The following TRPM2 variants were observed in gnomAD, a reference collection of about 807,000 sequenced individuals.
TRPM2 encodes transient receptor potential cation channel subfamily M member 2, also known as estrogen-responsive element-associated gene 1 protein.
Under a neutral mutation model 174.0 loss-of-function variants are expected in TRPM2, and 161 were observed. The ratio of observed to expected loss-of-function variants is 0.93; its 90% CI spans 0.81 to 1.05. The LOEUF (loss-of-function observed/expected upper bound fraction) is 1.05. Among genes scored for constraint, TRPM2 ranks in the 50% least tolerant of loss-of-function variants. The pLI, the probability that TRPM2 is intolerant of heterozygous loss-of-function variation, is 0.00. For synonymous variants in TRPM2, 954 were observed against 861.3 expected, an observed-to-expected ratio of 1.11 and a Z score of -1.88; for missense variants, 2,057 against 2,038.0, an observed-to-expected ratio of 1.01 and a Z score of -0.18.
chr21:44,350,643 G>A (rs1211535159), upstream of TRPM2, among the ~76,000 whole-genome samples: 4 of 139,632 alleles, frequency 2.9e-5, no homozygotes, highest in Non-Finnish European at 6.3e-5. Context: ...GGGCGCGAAG[G>A]GGCTCCGGGC....
chr21:44,433,228 G>C (rs1166238198), intron 27 of TRPM2, among the ~76,000 whole-genome samples: 1 of 152,256 alleles, frequency 6.6e-6, no homozygotes, highest in Non-Finnish European at 1.5e-5. Context: ...TAGGGATGGG[G>C]ACAGTGAGAT....
Position 44,426,861 on chromosome 21 carries a change from G to A in TRPM2, c.3872+125G>A, listed in dbSNP as rs923591975. On this transcript the variant is annotated intron_variant, in intron 26 of 31. Transcript: ENST00000397928. ...CCAGGTGAGCAGGAGGGGCCCGTGG[G>A]GGCCTGAAGGGGCCCAGCTCCTACT... 5.2e-6 allele frequency: 7 copies of A among 1,339,206 alleles called. No homozygotes were observed. The African/African-American group carries it at 7.3e-5, about 14-fold the overall frequency. The allele number at this position is 1,339,206 out of a possible 1,614,324, so 83.0% of individuals were successfully genotyped here.
intron 2 of TRPM2, among the ~76,000 whole-genome samples, 182 bp from the exon 3 acceptor site, chr21:44,363,932 G>A (rs2146142023): frequency 6.6e-6 from 1 of 152,302 alleles, no homozygotes; most frequent in African/African-American, 2.4e-5. Flanking sequence ...TACTGCTGAG[G>A]GTGAGAAGAG....
intron 19 of TRPM2, among the ~76,000 whole-genome samples, chr21:44,409,480 G>A (rs897105521): frequency 6.6e-6 from 1 of 152,092 alleles, no homozygotes; most frequent in Non-Finnish European, 1.5e-5. Context: ...GGTGAGCATA[G>A]CCTTGTAGTA....
rs1297833492 is a variant in TRPM2, at chr21:44,364,203, C to CA, written c.347dup (p.Lys117GlufsTer152). 6.2e-7 allele frequency: 1 copy of CA among 1,614,076 alleles called. No homozygotes were observed. Among genetic ancestry groups the CA allele is most frequent in the African/African-American group, 1.3e-5 (1 of 74,932 alleles). ...ACCTTCCAGGGCACACAGTGGGACCCAAAGAAACATGTCCAGGAGATGCCA... is the reference window on the plus strand; with the variant it reads ...ACCTTCCAGGGCACACAGTGGGACCCAAAAGAAACATGTCCAGGAGATGCCA... On this transcript the variant is annotated frameshift_variant, in exon 3 of 32. Transcript: ENST00000397928. LOFTEE classifies it high-confidence loss of function.
At chr21:44,368,582 C>T (rs2048425595) in intron 4 of TRPM2, among the ~76,000 whole-genome samples, 1 of 152,046 alleles carries the variant, frequency 6.6e-6, no homozygotes, top group Non-Finnish European at 1.5e-5. Context: ...CAGGCGTGTG[C>T]TACCATGCCT....
intron 27 of TRPM2, among the ~76,000 whole-genome samples, chr21:44,428,262 G>T (rs1442327090): frequency 6.6e-6 from 1 of 152,150 alleles, no homozygotes; most frequent in East Asian, 1.9e-4. Flanking sequence ...TAATACAGCT[G>T]AAGGCTGATT....
rs371099149 is a variant in TRPM2, at chr21:44,399,832, C to T, written c.2208+391C>T. On this transcript the variant is annotated intron_variant, in intron 14 of 31. Transcript: ENST00000397928. This position sits in a 1 kb window ranked among gnomAD's most constrained non-coding sequence, Gnocchi z 4.6. The stretch of plus-strand genomic sequence containing the variant: ...TCCCAGGCATGGCTGCCCTCAGCAT[C>T]GCCCTGGAACCCCCGGCAGGGCCTG... Among the ~76,000 whole-genome samples, 11 of 152,188 alleles carry T rather than the reference C, an allele frequency of 7.2e-5. No homozygotes were observed. The highest frequency in any genetic ancestry group is 2.2e-4 in the African/African-American group (9 of 41,454).
chr21:44,424,804 T>G (rs1238207156), intron 23 of TRPM2, 48 bp from the exon 24 acceptor site: 2 of 1,308,916 alleles, frequency 1.5e-6, no homozygotes, highest in Non-Finnish European at 2.1e-6. Flanking sequence ...GTGTGTACCA[T>G]GCGTGTGGGT....
chr21:44,433,158 G>T (rs1248561387), intron 27 of TRPM2, among the ~76,000 whole-genome samples: 1 of 152,196 alleles, frequency 6.6e-6, no homozygotes, highest in Admixed American at 6.5e-5. Flanking sequence ...AGAAGCGAGC[G>T]TGCATGTGGT....
rs2048369493 is a variant in TRPM2, at chr21:44,366,623, T to C, written c.424-131T>C. 1.6e-6 allele frequency: 2 copies of C among 1,243,282 alleles called. No individual in the cohort carries two copies. The highest frequency in any genetic ancestry group is 2.7e-5 in the South Asian group (2 of 72,876). 77.0% of individuals were successfully genotyped at this position (1,243,282 alleles called of 1,614,324 possible). A position where few individuals can be genotyped will look rare whatever the true frequency, so the allele number is the denominator to read the frequency against. On this transcript the variant is annotated intron_variant, in intron 3 of 31. Transcript: ENST00000397928. This position sits in a 1 kb window ranked among gnomAD's most constrained non-coding sequence, Gnocchi z 6.0. ...TGCCCTGCCCACATGGGGACCCCTT[T>C]TCTGGGTCTGAGCCGGAAAGGTGTG...
intron 19 of TRPM2, among the ~76,000 whole-genome samples, chr21:44,411,208 G>A (rs977136300): frequency 6.6e-6 from 1 of 152,132 alleles, no homozygotes; most frequent in South Asian, 2.1e-4. Flanking sequence ...TCCAAAAAGG[G>A]CATCTGTGAT....
At chr21:44,437,998 G>T (rs1359919425) in intron 29 of TRPM2, among the ~76,000 whole-genome samples, 4 of 152,260 alleles carry the variant, frequency 2.6e-5, no homozygotes, top group African/African-American at 9.6e-5. Context: ...GCATTTCTCT[G>T]ACCCCGAGCT....
intron 8 of TRPM2, 96 bp downstream of exon 8, chr21:44,379,293 G>A (rs2146204339): frequency 7.0e-7 from 1 of 1,427,168 alleles, no homozygotes; most frequent in Middle Eastern, 1.8e-4. Context: ...GACCGATGCG[G>A]AGAACCCACT....
chr21:44,426,322 G>T (rs182018557), intron 25 of TRPM2, among the ~76,000 whole-genome samples: 40 of 152,286 alleles, frequency 2.6e-4, no homozygotes, highest in African/African-American at 7.7e-4. Context: ...TGCTGCTTCC[G>T]CTGCCTCCCC....
At chr21:44,375,092 G>A (rs1251010820) in intron 5 of TRPM2, among the ~76,000 whole-genome samples, 2 of 152,002 alleles carry the variant, frequency 1.3e-5, no homozygotes, top group African/African-American at 4.8e-5. Context: ...TTTCATTTTT[G>A]TAGACATGAG....
At chr21:44,436,279 C>A (rs1372691607) in intron 28 of TRPM2, among the ~76,000 whole-genome samples, 17 of 152,148 alleles carry the variant, frequency 1.1e-4, no homozygotes, top group African/African-American at 4.1e-4. Flanking sequence ...CCAGGCCCAG[C>A]TGCTGTGCCC....
At chr21:44,402,249 C>G (rs746899707) in intron 16 of TRPM2, among the ~76,000 whole-genome samples, 1 of 152,140 alleles carries the variant, frequency 6.6e-6, no homozygotes, top group Non-Finnish European at 1.5e-5. Context: ...ACCCCTCTCA[C>G]GTTCAATAAC....
Position 44,367,724 on chromosome 21 carries a change from T to C in TRPM2, c.604+790T>C, listed in dbSNP as rs1384033949. On this transcript the variant is annotated intron_variant, in intron 4 of 31. Transcript: ENST00000397928. This position sits in a 1 kb window ranked among gnomAD's most constrained non-coding sequence, Gnocchi z 4.6. ...CCTGCTCTTCCTGGGGTCTGGGGTCTGGTCTTTGCCTCGCAGTGGAGTCGT... is the reference window on the plus strand; with the variant it reads ...CCTGCTCTTCCTGGGGTCTGGGGTCCGGTCTTTGCCTCGCAGTGGAGTCGT... Among the ~76,000 whole-genome samples, 1 of 152,250 alleles carries C rather than the reference T, an allele frequency of 6.6e-6. No individual in the cohort carries two copies. The highest frequency in any genetic ancestry group is 2.4e-5 in the African/African-American group (1 of 41,476).
Sources: gnomAD v4.1 joint callset for allele counts (sites outside exome capture counted in the v4.1 genomes callset) on GRCh38, gnomAD v4.1.1 for gene constraint, Gnocchi (gnomAD v3.1) non-coding constraint, MANE v1.5 for transcripts, NCBI Gene and HGNC (gene_info 2026-07-23, HGNC 2026-07-21) for gene names.